The following PTPRN2 variants were observed in gnomAD, a reference collection of about 807,000 sequenced individuals.
PTPRN2 encodes the protein receptor-type tyrosine-protein phosphatase N2.
In PTPRN2, 74 loss-of-function variants were observed where a neutral mutation model predicts 118.8. The ratio of observed to expected loss-of-function variants is 0.62; its 90% CI spans 0.52 to 0.76. PTPRN2 has a LOEUF of 0.76. Among genes scored for constraint, PTPRN2 ranks in the 30% least tolerant of loss-of-function variants. The pLI, the probability that PTPRN2 is intolerant of heterozygous loss-of-function variation, is 0.00. For missense variants in PTPRN2, 1,481 were observed against 1,394.4 expected (o/e 1.06, Z -0.99); for synonymous variants, 641 against 608.0 (o/e 1.05, Z -0.80).
At chr7:158,575,856 A>G (rs1393499849) in intron 1 of PTPRN2, among the ~76,000 whole-genome samples, 2 of 152,248 alleles carry the variant, frequency 1.3e-5, no homozygotes, top group Non-Finnish European at 2.9e-5. Context: ...TAATAATTTC[A>G]GTATTACTAG....
At chr7:158,186,373 C>G (rs1563573815) in intron 5 of PTPRN2, among the ~76,000 whole-genome samples, 1 of 151,894 alleles carries the variant, frequency 6.6e-6, no homozygotes, top group Non-Finnish European at 1.5e-5. Flanking sequence ...AGATTTCTCC[C>G]GGGGGCTCAC....
Position 157,553,961 on chromosome 7 carries a change from ACGGC to A in PTPRN2, c.2903-4946_2903-4943del, listed in dbSNP as rs1798762031. On this transcript the variant is annotated intron_variant, in intron 21 of 22. Transcript: ENST00000389418. The stretch of plus-strand genomic sequence containing the variant: ...CTCTGGTGCCCTCCTGAGCATGGGT[ACGGC>A]CAGGCCGGGCGCCGGATCCTGCCCG... 9.2e-5 allele frequency among the ~76,000 whole-genome samples: 10 copies of A among 108,184 alleles called. No homozygotes were observed. The East Asian group carries it at 2.8e-3, about 30-fold the overall frequency. 71.0% of individuals were successfully genotyped at this position (108,184 alleles called of 152,430 possible).
At position 157,977,605 on chromosome 7, in the gene PTPRN2, G is replaced by A. The variant is rs1392269894; in HGVS notation, c.1724-78868C>T. ...GTGAGAAGGCCCCAGGTGGGATGACGTGAGTGTGTTCATGGAGTAGTGTAC... is the reference window on the plus strand; with the variant it reads ...GTGAGAAGGCCCCAGGTGGGATGACATGAGTGTGTTCATGGAGTAGTGTAC... On this transcript the variant is annotated intron_variant, in intron 11 of 22. Transcript: ENST00000389418. The surrounding 1 kb of genome is among the most constrained non-coding windows in gnomAD (Gnocchi z 4.6). Among the ~76,000 whole-genome samples the A allele has an allele frequency of 6.6e-6, 1 of 151,004 alleles. No homozygotes were observed. Among genetic ancestry groups the A allele is most frequent in the Non-Finnish European group, 1.5e-5 (1 of 67,740 alleles).
Position 157,763,135 on chromosome 7 carries a change from G to A in PTPRN2, c.1789-80198C>T, listed in dbSNP as rs1354309158. On this transcript the variant is annotated intron_variant, in intron 12 of 22. Coordinates refer to ENST00000389418, the MANE Select transcript of PTPRN2 (RefSeq NM_002847.5). The surrounding 1 kb of genome is among the most constrained non-coding windows in gnomAD (Gnocchi z 4.9). ...GGCCGCCCACTCATGGTCGGTCACA[G>A]GGTTAACCCTCCATCAGAGCCCATG... Among the ~76,000 whole-genome samples the A allele has an allele frequency of 1.8e-4, 28 of 151,908 alleles. No homozygotes were observed. Among genetic ancestry groups the A allele is most frequent in the Admixed American group, 1.8e-3 (28 of 15,270 alleles).
chr7:158,489,097 C>A (rs1245889964), intron 2 of PTPRN2, among the ~76,000 whole-genome samples: 3 of 152,244 alleles, frequency 2.0e-5, no homozygotes, highest in African/African-American at 2.4e-5. Flanking sequence ...GAAAACACAG[C>A]GTTTGCACTG....
At chr7:158,316,733 A>T (rs1200769960) in intron 3 of PTPRN2, 86 bp downstream of exon 3, 2 of 1,000,858 alleles carry the variant, frequency 2.0e-6, no homozygotes, top group Non-Finnish European at 1.4e-6. Context: ...AGTCCGTCCC[A>T]GCTCCTCACC....
At chr7:158,228,634 A>C (rs1828970400) in intron 3 of PTPRN2, among the ~76,000 whole-genome samples, 1 of 152,038 alleles carries the variant, frequency 6.6e-6, no homozygotes, top group Non-Finnish European at 1.5e-5. Context: ...CCAGGAACAC[A>C]GAAAATTGAA....
At chr7:157,855,293 C>T (rs995935850) in intron 12 of PTPRN2, among the ~76,000 whole-genome samples, 1 of 152,164 alleles carries the variant, frequency 6.6e-6, no homozygotes, top group African/African-American at 2.4e-5. Context: ...GGCCCCAACC[C>T]ACGCGCCGGC....
chr7:158,132,100 GCA>G (rs1185662599), intron 9 of PTPRN2, among the ~76,000 whole-genome samples: 5 of 140,116 alleles, frequency 3.6e-5, no homozygotes, highest in Non-Finnish European at 4.6e-5. Flanking sequence ...ACGCACATAT[GCA>G]CAGATACACA....
intron 16 of PTPRN2, among the ~76,000 whole-genome samples, chr7:157,600,490 G>A (rs946428086): frequency 6.6e-6 from 1 of 152,058 alleles, no homozygotes; most frequent in African/African-American, 2.4e-5. Context: ...GCATGATCTC[G>A]GCTCACTGCA....
At position 158,166,388 on chromosome 7, in the gene PTPRN2, A is replaced by G. The variant is rs1388685737; in HGVS notation, c.910+543T>C. Among the ~76,000 whole-genome samples, 150 of 57,212 alleles carry G rather than the reference A, an allele frequency of 2.6e-3. 56 individuals are homozygous for G. Among genetic ancestry groups the G allele is most frequent in the East Asian group, 7.9e-3 (9 of 1,146 alleles). 37.5% of individuals were successfully genotyped at this position (57,212 alleles called of 152,430 possible). A position where few individuals can be genotyped will look rare whatever the true frequency, so the allele number is the denominator to read the frequency against. ...TGGCCGCCGCGTTCCCTGTCCTCAC[A>G]CCCTCAGGATCATCTCCTCCTCCCC... On this transcript the variant is annotated intron_variant, in intron 6 of 22. Coordinates refer to ENST00000389418, the MANE Select transcript of PTPRN2 (RefSeq NM_002847.5).
intron 2 of PTPRN2, among the ~76,000 whole-genome samples, chr7:158,483,140 G>T (rs1290637220): frequency 4.6e-5 from 7 of 152,200 alleles, no homozygotes; most frequent in African/African-American, 1.4e-4. Flanking sequence ...CCTGTTTCCT[G>T]GGTCTTCATT....
At chr7:157,866,301 C>T (rs184519911) in intron 12 of PTPRN2, among the ~76,000 whole-genome samples, 5 of 152,226 alleles carry the variant, frequency 3.3e-5, no homozygotes, top group African/African-American at 4.8e-5. Context: ...CACAAACACA[C>T]GTGCATATCC....
intron 12 of PTPRN2, among the ~76,000 whole-genome samples, chr7:157,804,300 G>C (rs924704912): frequency 2.0e-5 from 3 of 152,186 alleles, no homozygotes; most frequent in Admixed American, 2.0e-4. Flanking sequence ...ATTTGCTAAG[G>C]CTGGGAATTT....
chr7:158,513,444 A>C (rs950622727), intron 1 of PTPRN2, among the ~76,000 whole-genome samples: 2 of 152,208 alleles, frequency 1.3e-5, no homozygotes, highest in Non-Finnish European at 2.9e-5. Flanking sequence ...AGGAAATCTA[A>C]ATAAAGTAGG....
At chr7:157,722,867 T>C (rs1217433875) in intron 12 of PTPRN2, among the ~76,000 whole-genome samples, 1 of 152,092 alleles carries the variant, frequency 6.6e-6, no homozygotes, top group East Asian at 1.9e-4. Flanking sequence ...GGGGCCATGC[T>C]TGGTGGTGGG....
At chr7:158,519,960 C>T (rs1368505673) in intron 1 of PTPRN2, among the ~76,000 whole-genome samples, 1 of 152,230 alleles carries the variant, frequency 6.6e-6, no homozygotes, top group Admixed American at 6.5e-5. Flanking sequence ...AGTGCAATGA[C>T]TACTCTGCCA....
intron 12 of PTPRN2, among the ~76,000 whole-genome samples, chr7:157,852,098 A>G (rs1454336994): frequency 6.6e-6 from 1 of 152,214 alleles, no homozygotes; most frequent in East Asian, 1.9e-4. Context: ...CCCGCTGAGG[A>G]GTCTGGATTT....
intron 11 of PTPRN2, among the ~76,000 whole-genome samples, chr7:158,072,301 C>T (rs570963886): frequency 1.8e-4 from 27 of 152,282 alleles, no homozygotes; most frequent in African/African-American, 5.8e-4. Context: ...TTATTAAGAA[C>T]GATTACAGGG....
Sources: allele counts gnomAD v4.1 joint callset (sites outside exome capture counted in the v4.1 genomes callset), GRCh38; gene constraint gnomAD v4.1.1; non-coding constraint Gnocchi (gnomAD v3.1); transcripts MANE v1.5; gene names NCBI Gene and HGNC (gene_info 2026-07-23, HGNC 2026-07-21).